The following BMP1 variants were observed in gnomAD, a reference collection of about 807,000 sequenced individuals.
BMP1 encodes the protein bone morphogenetic protein 1, also known as mammalian tolloid protein.
In BMP1, 63 loss-of-function variants were observed where a neutral mutation model predicts 116.8. The ratio of observed to expected loss-of-function variants is 0.54; its 90% CI spans 0.44 to 0.67. BMP1 has a LOEUF of 0.67. Ranked by LOEUF, BMP1 falls within the 30% of genes least tolerant of loss-of-function variation. The probability of loss-of-function intolerance (pLI) is 0.00; values close to 1 mark genes in which losing one functional copy is unlikely to be tolerated. For missense variants in BMP1, 1,183 were observed against 1,358.9 expected (o/e 0.87, Z 2.04); for synonymous variants, 536 against 533.4 (o/e 1.00, Z -0.07).
At chr8:22,207,268 A>C in intron 17 of BMP1, 35 bp from the exon 18 acceptor site, 1 of 1,593,776 alleles carries the variant, frequency 6.3e-7, no homozygotes, top group Non-Finnish European at 8.6e-7. Flanking sequence ...CTTCCAGCCA[A>C]ATTTTTAATC....
chr8:22,200,985 G>GACC, intron 15 of BMP1: 1 of 314,830 alleles, frequency 3.2e-6, no homozygotes, highest in Non-Finnish European at 6.4e-6. Context: ...GTGTCCGCCT[G>GACC]CCCTCCCGCC....
chr8:22,197,197 G>A, intron 14 of BMP1, 43 bp from the exon 15 acceptor site: 1 of 1,590,238 alleles, frequency 6.3e-7, no homozygotes, highest in Non-Finnish European at 8.6e-7. Context: ...AGTCAAGAGA[G>A]GCTTCCTGGA....
intron 1 of BMP1, among the ~76,000 whole-genome samples, chr8:22,166,594 C>T (rs1017097859): frequency 2.6e-5 from 4 of 151,760 alleles, no homozygotes; most frequent in African/African-American, 9.8e-5. Flanking sequence ...CTCCAAATAG[C>T]CAGAGCCAGG....
intron 15 of BMP1, chr8:22,198,300 G>T (rs73225867): frequency 0.048 from 7,268 of 152,296 alleles, 284 homozygotes; most frequent in Admixed American, 0.093. Context: ...CCCACCTAAG[G>T]CCTGGGCTCC....
Position 22,177,965 on chromosome 8 carries a change from A to AATTGT in BMP1, c.836+8_836+9insATTGT, listed in dbSNP as rs1828501383. 1 of 1,600,146 alleles carries AATTGT rather than the reference A, an allele frequency of 6.2e-7. No individual in the cohort carries two copies. Among genetic ancestry groups the AATTGT allele is most frequent in the African/African-American group, 1.3e-5 (1 of 74,606 alleles). On this transcript the variant is annotated intron_variant, in intron 6 of 19. Coordinates refer to ENST00000306385, the MANE Select transcript of BMP1 (RefSeq NM_006129.5). ...TCGGAACACATTCTCCAGGTGGGAG[A>AATTGT]CGGGATTGGGGCTGGGCCTCTGCTC...
rs1393497270 is a variant in BMP1 at position 22,176,156 on chromosome 8, T to C, written c.276T>C (p.Thr92=). The part of the protein sequence containing the change: ...SSIKAAVPGN[T]STPSCQSTNG... Reference sequence around the variant, plus strand: ...TTCCTCTCTCAGTTCCAGGAAACACTTCTACCCCCAGCTGCCAGAGCACCA... The same window carrying C: ...TTCCTCTCTCAGTTCCAGGAAACACCTCTACCCCCAGCTGCCAGAGCACCA... The change falls in exon 3 of 20, where the codon ACT becomes ACC. Residue 92 remains threonine, a synonymous_variant. Coordinates refer to ENST00000306385, the MANE Select transcript of BMP1 (RefSeq NM_006129.5). 6 of 1,614,044 alleles carry C rather than the reference T, an allele frequency of 3.7e-6. No homozygotes were observed. Among genetic ancestry groups the C allele is most frequent in the Non-Finnish European group, 5.1e-6 (6 of 1,180,022 alleles).
intron 17 of BMP1, 29 bp downstream of exon 17, chr8:22,207,010 C>A: frequency 6.2e-7 from 1 of 1,612,014 alleles, no homozygotes; most frequent in Non-Finnish European, 8.5e-7. Context: ...ACTCCTTATG[C>A]GGTGTGGCTG....
intron 8 of BMP1, among the ~76,000 whole-genome samples, chr8:22,183,436 C>T (rs1008975445): frequency 3.3e-5 from 5 of 152,088 alleles, no homozygotes; most frequent in African/African-American, 1.2e-4. Flanking sequence ...CAAAAAATTA[C>T]ATTCCTTTTT....
At position 22,179,292 on chromosome 8, in the gene BMP1, G is replaced by C. The variant is rs1337210053; in HGVS notation, c.837-413G>C. Among the ~76,000 whole-genome samples, 1 of 152,226 alleles carries C rather than the reference G, an allele frequency of 6.6e-6. No individual in the cohort carries two copies. Among genetic ancestry groups the C allele is most frequent in the Non-Finnish European group, 1.5e-5 (1 of 68,034 alleles). ...GAGGAGCTGGCCTGGGGAGTCCTGG[G>C]AGAAGTTTAGTTAGGGCTGGAGCAG... On this transcript the variant is annotated intron_variant, in intron 6 of 19. Transcript: ENST00000306385. This position sits in a 1 kb window ranked among gnomAD's most constrained non-coding sequence, Gnocchi z 4.6.
Position 22,194,296 on chromosome 8 carries a change from T to C in BMP1, c.1297+122T>C, listed in dbSNP as rs1829014851. 1.4e-6 allele frequency: 2 copies of C among 1,446,918 alleles called. No individual in the cohort carries two copies. The highest frequency in any genetic ancestry group is 4.6e-5 in the East Asian group (2 of 43,878). 89.6% of individuals were successfully genotyped at this position (1,446,918 alleles called of 1,614,324 possible). A position where few individuals can be genotyped will look rare whatever the true frequency, so the allele number is the denominator to read the frequency against. On this transcript the variant is annotated intron_variant, in intron 10 of 19. Transcript: ENST00000306385. This position sits in a 1 kb window ranked among gnomAD's most constrained non-coding sequence, Gnocchi z 4.5. ...TTCCCAAGGGAAGAAGCAGAGAGAA[T>C]GATGGGATTGCCTGGGACTGGGGGT... is the stretch of plus-strand genomic sequence containing the variant.
chr8:22,198,893 C>T, intron 15 of BMP1: 1 of 1,135,178 alleles, frequency 8.8e-7, no homozygotes, highest in Admixed American at 4.1e-5. Context: ...CTTCCCTGTG[C>T]CCACCTGGGA....
intron 19 of BMP1, among the ~76,000 whole-genome samples, chr8:22,211,072 T>TG (rs1432259452): frequency 1.3e-5 from 2 of 151,982 alleles, no homozygotes; most frequent in Admixed American, 1.3e-4. Context: ...GGGGTAGGGA[T>TG]GGCAGAGTCC....
chr8:22,207,714 G>A (rs1158509988), intron 18 of BMP1, among the ~76,000 whole-genome samples, 198 bp downstream of exon 18: 1 of 152,214 alleles, frequency 6.6e-6, no homozygotes, highest in Non-Finnish European at 1.5e-5. Context: ...TAGGGGTTAG[G>A]ATGGCAGTGA....
At chr8:22,197,450 C>T (rs751532590) in intron 15 of BMP1, 30 bp downstream of exon 15, 5 of 1,579,616 alleles carry the variant, frequency 3.2e-6, no homozygotes, top group Non-Finnish European at 4.3e-6. Flanking sequence ...CTCCTAGCCC[C>T]ACCTCTCCTC....
chr8:22,201,081 C>T (rs752384035), intron 15 of BMP1: 2 of 1,599,714 alleles, frequency 1.3e-6, no homozygotes, highest in South Asian at 1.1e-5. Context: ...CCACCCCCAC[C>T]CCTTGGTCCC....
At position 22,194,117 on chromosome 8, in the gene BMP1, G is replaced by T. The variant is rs753405601; in HGVS notation, c.1240G>T (p.Val414Phe). ...CGTCTCCACTGACAGCCGCCTCTGG[G>T]TTGAATTCCGCAGCAGCAGCAATTG... The part of the protein sequence containing the change: ...PIVSTDSRLW[V>F]EFRSSSNWVG... Residue 414 changes from valine (V) to phenylalanine (F), a missense_variant, in exon 10 of 20, where the codon GTT becomes TTT. Transcript: ENST00000306385. This position sits in a 1 kb window ranked among gnomAD's most constrained non-coding sequence, Gnocchi z 4.5. 2 of 1,613,866 alleles carry T rather than the reference G, an allele frequency of 1.2e-6. No individual in the cohort carries two copies. The highest frequency in any genetic ancestry group is 2.7e-5 in the African/African-American group (2 of 74,932).
intron 8 of BMP1, among the ~76,000 whole-genome samples, chr8:22,191,676 C>G (rs1424940388): frequency 6.6e-6 from 1 of 152,246 alleles, no homozygotes; most frequent in African/African-American, 2.4e-5. Flanking sequence ...CCTCTTGGGA[C>G]CCTTCGTCGC....
chr8:22,201,150 C>T lies in BMP1; in HGVS notation c.2108-653C>T, dbSNP rs762183600. ...GCCAGCTCTGCAGCCCCCTCGGGGA[C>T]GCCCCCACCAGCTCAAATTCCGAGT... On this transcript the variant is annotated intron_variant, in intron 15 of 19. Transcript: ENST00000306385. 2.9e-5 allele frequency: 46 copies of T among 1,612,564 alleles called. No individual in the cohort carries two copies. Among genetic ancestry groups the T allele is most frequent in the African/African-American group, 5.3e-5 (4 of 74,804 alleles).
In BMP1 at chr8:22,189,689, A is replaced by T. The variant is rs186358047; in HGVS notation, c.1078-2360A>T. Among the ~76,000 whole-genome samples, 418 of 151,256 alleles carry T rather than the reference A, an allele frequency of 2.8e-3. 3 individuals carry two copies. Among genetic ancestry groups the T allele is most frequent in the African/African-American group, 9.8e-3 (403 of 41,170 alleles). ...ACTGTGTTGCCCAGGCTGGTCTCAA[A>T]CTCCTGGACTCAAGCGATCCTCTTG... On this transcript the variant is annotated intron_variant, in intron 8 of 19. Coordinates refer to ENST00000306385, the MANE Select transcript of BMP1 (RefSeq NM_006129.5).
Sources: gnomAD v4.1 joint callset for allele counts (sites outside exome capture counted in the v4.1 genomes callset) on GRCh38, gnomAD v4.1.1 for gene constraint, Gnocchi (gnomAD v3.1) non-coding constraint, MANE v1.5 for transcripts, NCBI Gene and HGNC (gene_info 2026-07-23, HGNC 2026-07-21) for gene names.